UGGT2: variants seen among roughly 807,000 people sequenced by gnomAD.
UGGT2 encodes UDP-glucose:glycoprotein glucosyltransferase 2.
UGGT2 carries 180 observed loss-of-function variants against 192.1 expected under a neutral mutation model. That is an observed-to-expected ratio of 0.94 (90% CI 0.83 to 1.06). UGGT2 has a LOEUF of 1.06. UGGT2 is among the 50% of genes least tolerant of loss of function. The pLI is 0.00. For missense variants in UGGT2, 1,849 were observed against 1,795.7 expected (o/e 1.03, Z -0.54); for synonymous variants, 580 against 591.0 (o/e 0.98, Z 0.27).
chr13:95,912,361 CT>C (rs2048530087), intron 20 of UGGT2, among the ~76,000 whole-genome samples: 1 of 152,156 alleles, frequency 6.6e-6, no homozygotes. Flanking sequence ...CCAAAATATC[CT>C]TTAGCTGATA....
chr13:95,969,900 G>A (rs2050715081), intron 12 of UGGT2, among the ~76,000 whole-genome samples: 1 of 152,210 alleles, frequency 6.6e-6, no homozygotes, highest in Non-Finnish European at 1.5e-5. Context: ...GAATGAGATT[G>A]AGTAGGTATT....
chr13:96,000,511 T>G (rs1369192713), intron 5 of UGGT2, among the ~76,000 whole-genome samples: 2 of 152,232 alleles, frequency 1.3e-5, no homozygotes, highest in East Asian at 3.8e-4. Context: ...ACTGGGTTAT[T>G]TCTAATTACA....
intron 1 of UGGT2, among the ~76,000 whole-genome samples, chr13:96,038,844 A>C (rs951799246): frequency 6.6e-6 from 1 of 152,146 alleles, no homozygotes; most frequent in African/African-American, 2.4e-5. Context: ...TCTAAGTCCA[A>C]AATCTCATGT....
At chr13:96,046,248 C>CA (rs2053306308) in intron 1 of UGGT2, among the ~76,000 whole-genome samples, 1 of 151,814 alleles carries the variant, frequency 6.6e-6, no homozygotes, top group Admixed American at 6.6e-5. Context: ...ACACTCTATT[C>CA]AAAAAAATGG....
chr13:95,836,484 T>C (rs1887302768), intron 37 of UGGT2, among the ~76,000 whole-genome samples: 1 of 152,210 alleles, frequency 6.6e-6, no homozygotes, highest in African/African-American at 2.4e-5. Flanking sequence ...TCAGGATGGT[T>C]CTCACCATTC....
chr13:95,932,784 G>A (rs1019165530), intron 17 of UGGT2, among the ~76,000 whole-genome samples: 3 of 152,034 alleles, frequency 2.0e-5, no homozygotes, highest in Non-Finnish European at 4.4e-5. Flanking sequence ...TTTGTTGAGG[G>A]TTTTTATCAT....
chr13:95,914,467 T>C (rs2048612814), intron 20 of UGGT2, among the ~76,000 whole-genome samples: 1 of 151,842 alleles, frequency 6.6e-6, no homozygotes, highest in Admixed American at 6.6e-5. Context: ...ATAGAAAGGA[T>C]AATTAATAGA....
At chr13:95,867,192 T>C (rs1272065440) in intron 30 of UGGT2, 147 bp downstream of exon 30, 3 of 714,370 alleles carry the variant, frequency 4.2e-6, no homozygotes, top group Admixed American at 3.1e-5. Flanking sequence ...TTAATCCTCT[T>C]CTTTTTTTAC....
At chr13:95,890,566 C>G (rs989752546) in intron 25 of UGGT2, among the ~76,000 whole-genome samples, 5 of 152,150 alleles carry the variant, frequency 3.3e-5, no homozygotes, top group African/African-American at 4.8e-5. Context: ...AAAGCCCTAT[C>G]TCCAGAGAGA....
chr13:95,807,379 G>A (rs972044545), intron 38 of UGGT2, among the ~76,000 whole-genome samples: 6 of 152,090 alleles, frequency 3.9e-5, no homozygotes, highest in African/African-American at 1.2e-4. Context: ...CACACTCAGT[G>A]TAACTTCACA....
At chr13:95,811,326 G>A (rs1180475050) in intron 38 of UGGT2, among the ~76,000 whole-genome samples, 11 of 152,152 alleles carry the variant, frequency 7.2e-5, no homozygotes, top group Non-Finnish European at 5.9e-5. Context: ...TATTTTAACA[G>A]CATAATGCTA....
chr13:95,881,155 C>A (rs142926741), intron 27 of UGGT2, among the ~76,000 whole-genome samples: 17 of 152,304 alleles, frequency 1.1e-4, no homozygotes, highest in African/African-American at 3.6e-4. Flanking sequence ...CACGCCACTG[C>A]ACTCCAGTCT....
At chr13:95,961,684 C>A (rs764089262) in intron 12 of UGGT2, among the ~76,000 whole-genome samples, 12 of 151,946 alleles carry the variant, frequency 7.9e-5, no homozygotes, top group Non-Finnish European at 1.5e-4. Flanking sequence ...TCAGCAATAC[C>A]TAGATGGAAA....
At chr13:95,989,713 C>T (rs1392964420) in intron 8 of UGGT2, 7 of 272,922 alleles carry the variant, frequency 2.6e-5, no homozygotes, top group Non-Finnish European at 4.3e-5. Context: ...TGAGACTAAC[C>T]TATAAATCAG....
chr13:95,910,601 G>C (rs1250182840), intron 20 of UGGT2, among the ~76,000 whole-genome samples: 1 of 152,104 alleles, frequency 6.6e-6, no homozygotes, highest in East Asian at 1.9e-4. Context: ...AGTCCTCAGA[G>C]ACCTACAAAG....
At chr13:95,858,638 T>C (rs1415576285) in intron 33 of UGGT2, among the ~76,000 whole-genome samples, 1 of 152,116 alleles carries the variant, frequency 6.6e-6, no homozygotes. Flanking sequence ...TAAGCATCTC[T>C]TCCTTTTGCT....
At chr13:95,924,906 T>C (rs1380512020) in intron 20 of UGGT2, among the ~76,000 whole-genome samples, 2 of 152,078 alleles carry the variant, frequency 1.3e-5, no homozygotes, top group South Asian at 2.1e-4. Flanking sequence ...ATAACCAAAA[T>C]CTTAAATATA....
chr13:95,809,618 G>T, intron 38 of UGGT2: 1 of 241,738 alleles, frequency 4.1e-6, no homozygotes. Flanking sequence ...CATCCTAGCA[G>T]CAGGGAGGGT....
intron 7 of UGGT2, 23 bp downstream of exon 7, chr13:95,996,040 A>G (rs1445021111): frequency 1.2e-6 from 2 of 1,604,618 alleles, no homozygotes; most frequent in Admixed American, 3.3e-5. Flanking sequence ...AATAATACCA[A>G]TTTCATTTCC....
Sources: allele counts gnomAD v4.1 joint callset (sites outside exome capture counted in the v4.1 genomes callset), GRCh38; gene constraint gnomAD v4.1.1; transcripts MANE v1.5; gene names NCBI Gene and HGNC (gene_info 2026-07-23, HGNC 2026-07-21).